The following CATSPERE variants were observed in gnomAD, a reference collection of about 807,000 sequenced individuals.
The protein encoded by CATSPERE is catsper channel auxiliary subunit epsilon, also known as cation channel sperm-associated auxiliary subunit epsilon.
In CATSPERE, 93 loss-of-function variants were observed where a neutral mutation model predicts 114.1. That is an observed-to-expected ratio of 0.81 (90% CI 0.69 to 0.97). The LOEUF (loss-of-function observed/expected upper bound fraction) is 0.97, where lower values mean the gene tolerates loss of function less well. Among genes scored for constraint, CATSPERE ranks in the 50% least tolerant of loss-of-function variants. The pLI, the probability that CATSPERE is intolerant of heterozygous loss-of-function variation, is 0.00. For missense variants in CATSPERE, 1,058 were observed against 1,131.6 expected, an observed-to-expected ratio of 0.93 and a Z score of 0.93; for synonymous variants, 341 against 384.1, an observed-to-expected ratio of 0.89 and a Z score of 1.31.
intron 6 of CATSPERE, among the ~76,000 whole-genome samples, chr1:244,491,810 A>G (rs1672222772): frequency 1.3e-5 from 2 of 152,320 alleles, no homozygotes; most frequent in East Asian, 1.9e-4. Context: ...AGAATACTAC[A>G]AACACCTCTA....
At position 244,617,516 on chromosome 1, in the gene CATSPERE, G is replaced by T. The variant is rs1343818681; in HGVS notation, c.2491-13G>T. ...AAATGACCTTAAAATTTTTGTCTTTGTTTCTTGTTCAGAACTATAAACACT... is the reference window on the plus strand; with the variant it reads ...AAATGACCTTAAAATTTTTGTCTTTTTTTCTTGTTCAGAACTATAAACACT... On this transcript the variant is annotated splice_polypyrimidine_tract_variant and intron_variant, in intron 19 of 21. Coordinates refer to ENST00000366534, the MANE Select transcript of CATSPERE (RefSeq NM_001130957.2). The T allele has an allele frequency of 4.1e-6, 6 of 1,465,554 alleles. No individual in the cohort carries two copies. Among genetic ancestry groups the T allele is most frequent in the Admixed American group, 3.1e-5 (1 of 32,140 alleles). 90.8% of individuals were successfully genotyped at this position (1,465,554 alleles called of 1,614,324 possible).
Position 244,572,698 on chromosome 1 carries a change from T to C in CATSPERE, c.1876T>C (p.Tyr626His), listed in dbSNP as rs367787434. 11 of 1,613,706 alleles carry C rather than the reference T, an allele frequency of 6.8e-6. No individual in the cohort carries two copies. Among genetic ancestry groups the C allele is most frequent in the Non-Finnish European group, 9.3e-6 (11 of 1,179,912 alleles). The change falls in exon 11 of 22, where the codon TAT (tyrosine) becomes CAT (histidine). Residue 626 changes from tyrosine (Y) to histidine (H), a missense_variant. Tyr to His is a moderately conservative substitution (Grantham distance 83). This residue lies in a region of CATSPERE where 787 missense variants were observed against 905.6 expected (regional missense o/e 0.87). Transcript: ENST00000366534. ...NTGLYVIVES[Y>H]GPKILQESHE... is the part of the protein sequence containing the mutation. ...TGGTCTGTATGTTATTGTGGAATCT[T>C]ATGGCCCAAAAATATTACAAGAGAG...
rs112801569 is a variant in CATSPERE at position 244,627,766 on chromosome 1, C to T, written c.2649-7723C>T. ...AAGGTTTACCTGCATGCTATTTCTCCTTATCCACAGTTTCGCTTCCCATGA... is the reference window on the plus strand; with the variant it reads ...AAGGTTTACCTGCATGCTATTTCTCTTTATCCACAGTTTCGCTTCCCATGA... On this transcript the variant is annotated intron_variant, in intron 20 of 21. Transcript: ENST00000366534. 4.1e-4 allele frequency among the ~76,000 whole-genome samples: 62 copies of T among 152,340 alleles called. 2 individuals carry two copies. The highest frequency in any genetic ancestry group is 1.5e-3 in the African/African-American group (61 of 41,574).
rs902706813 is a variant in CATSPERE, at chr1:244,573,029, C to CT, written c.1950+268dup. 8.7e-4 allele frequency among the ~76,000 whole-genome samples: 127 copies of CT among 145,476 alleles called. 1 individual carries two copies. The highest frequency in any genetic ancestry group is 3.5e-3 in the Middle Eastern group (1 of 284). On this transcript the variant is annotated intron_variant, in intron 11 of 21. Coordinates refer to ENST00000366534, the MANE Select transcript of CATSPERE (RefSeq NM_001130957.2). The surrounding 1 kb of genome is among the most constrained non-coding windows in gnomAD (Gnocchi z 4.0). ...TCAATTGTATTGTTCACTTCTTCTT[C>CT]TTTTTTTTTTTAATGCATGGCTTTC...
intron 21 of CATSPERE, among the ~76,000 whole-genome samples, chr1:244,639,462 G>A (rs999583525): frequency 6.6e-6 from 1 of 152,190 alleles, no homozygotes; most frequent in Non-Finnish European, 1.5e-5. Context: ...GGCCAAGGCC[G>A]GCAAATCACT....
At chr1:244,598,860 G>T (rs1372218337) in intron 17 of CATSPERE, among the ~76,000 whole-genome samples, 1 of 151,770 alleles carries the variant, frequency 6.6e-6, no homozygotes, top group African/African-American at 2.4e-5. Context: ...CAGTCACATG[G>T]GCCAGGATGT....
At chr1:244,579,313 A>G (rs927089852) in intron 11 of CATSPERE, among the ~76,000 whole-genome samples, 1 of 152,176 alleles carries the variant, frequency 6.6e-6, no homozygotes, top group African/African-American at 2.4e-5. Context: ...CTCAACTGCA[A>G]ATGGCGCCAT....
intron 20 of CATSPERE, among the ~76,000 whole-genome samples, chr1:244,631,382 T>G (rs1349448871): frequency 6.6e-6 from 1 of 152,034 alleles, no homozygotes; most frequent in Non-Finnish European, 1.5e-5. Context: ...AAAACCTAAT[T>G]AACCTCGCAT....
intron 19 of CATSPERE, among the ~76,000 whole-genome samples, chr1:244,611,431 A>G (rs1670707209): frequency 6.6e-6 from 1 of 151,704 alleles, no homozygotes; most frequent in South Asian, 2.1e-4. Context: ...CTTTACAAAA[A>G]TTAAAAAAAA....
At chr1:244,509,236 A>C (rs1429102272) in intron 7 of CATSPERE, among the ~76,000 whole-genome samples, 1 of 151,454 alleles carries the variant, frequency 6.6e-6, no homozygotes, top group Non-Finnish European at 1.5e-5. Flanking sequence ...TATTATGTTG[A>C]GGTATGTTCC....
At chr1:244,481,930 C>T (rs1670333347) in intron 5 of CATSPERE, among the ~76,000 whole-genome samples, 1 of 152,182 alleles carries the variant, frequency 6.6e-6, no homozygotes, top group Non-Finnish European at 1.5e-5. Context: ...TGCCAAGAAG[C>T]ACTGAATGGG....
chr1:244,461,007 A>T (rs1666652799), upstream of CATSPERE, among the ~76,000 whole-genome samples: 1 of 152,242 alleles, frequency 6.6e-6, no homozygotes, highest in African/African-American at 2.4e-5. Flanking sequence ...GTCTATACGC[A>T]GTCACATGAA....
intron 2 of CATSPERE, among the ~76,000 whole-genome samples, chr1:244,466,244 C>G (rs952001904): frequency 3.9e-5 from 6 of 152,104 alleles, no homozygotes; most frequent in Non-Finnish European, 8.8e-5. Flanking sequence ...ATATAAGATT[C>G]TTTTATCAAT....
At chr1:244,510,223 C>T (rs1440668798) in intron 7 of CATSPERE, among the ~76,000 whole-genome samples, 2 of 152,078 alleles carry the variant, frequency 1.3e-5, no homozygotes, top group East Asian at 3.8e-4. Context: ...AAACTTCTCT[C>T]TTAGCAGTGC....
intron 20 of CATSPERE, among the ~76,000 whole-genome samples, chr1:244,625,346 G>GT (rs1291737712): frequency 1.2e-5 from 1 of 81,006 alleles, no homozygotes; most frequent in Non-Finnish European, 2.6e-5. Flanking sequence ...GTAATATTTT[G>GT]TTTTTTGGGG....
At chr1:244,612,216 G>A (rs1198596392) in intron 19 of CATSPERE, among the ~76,000 whole-genome samples, 4 of 152,128 alleles carry the variant, frequency 2.6e-5, no homozygotes, top group Non-Finnish European at 4.4e-5. Flanking sequence ...TTATGTCCTC[G>A]TGAGTAAGTC....
chr1:244,629,229 C>T (rs1673594845), intron 20 of CATSPERE, among the ~76,000 whole-genome samples: 1 of 152,212 alleles, frequency 6.6e-6, no homozygotes, highest in Admixed American at 6.5e-5. Context: ...TCTGTTAGGT[C>T]ATAAGAGTCA....
At chr1:244,530,555 A>G (rs747445962) in intron 8 of CATSPERE, among the ~76,000 whole-genome samples, 5 of 152,114 alleles carry the variant, frequency 3.3e-5, no homozygotes, top group Admixed American at 6.5e-5. Context: ...ATTTCTGTAA[A>G]GAATGTCTTT....
At chr1:244,475,189 A>G (rs1213335208) in intron 2 of CATSPERE, among the ~76,000 whole-genome samples, 1 of 149,642 alleles carries the variant, frequency 6.7e-6, no homozygotes, top group Non-Finnish European at 1.5e-5. Context: ...TCCTTTTATT[A>G]TCATCTTACA....
Sources: gnomAD v4.1 joint callset for allele counts (sites outside exome capture counted in the v4.1 genomes callset) on GRCh38, gnomAD v4.1.1 for gene constraint, gnomAD v4.1.1 regional missense constraint, Gnocchi (gnomAD v3.1) non-coding constraint, MANE v1.5 for transcripts, NCBI Gene and HGNC (gene_info 2026-07-23, HGNC 2026-07-21) for gene names.